The following RGS6 variants were observed in gnomAD, a reference collection of about 807,000 sequenced individuals.
The protein encoded by RGS6 is regulator of G protein signaling 6.
RGS6 carries 30 observed loss-of-function variants against 78.5 expected under a neutral mutation model. That is an observed-to-expected ratio of 0.38 (90% CI 0.29 to 0.52). RGS6 has a LOEUF of 0.52. Among genes scored for constraint, RGS6 ranks in the 20% least tolerant of loss-of-function variants. The pLI is 0.85. For missense variants in RGS6, 495 were observed against 609.7 expected (o/e 0.81, Z 1.98); for synonymous variants, 206 against 206.0 (o/e 1.00, Z 0.00).
At chr14:72,585,801 G>C in the RGS6 span, among the ~76,000 whole-genome samples, 1 of 152,190 alleles carries the variant, frequency 6.6e-6, no homozygotes, top group Non-Finnish European at 1.5e-5. Context: ...AGGGATGAGT[G>C]CTGAGGGGCT....
rs140902948 is a variant in RGS6 at position 72,233,920 on chromosome 14, A to G, written c.85-118175A>G. Reference sequence around the variant, plus strand: ...TGATGGGGTGAAGGACCGAATAGTTAGAGTTCGTACTGAGTGTCTGTGGTG... The same window carrying G: ...TGATGGGGTGAAGGACCGAATAGTTGGAGTTCGTACTGAGTGTCTGTGGTG... On this transcript the variant is annotated intron_variant, in intron 2 of 17. Coordinates refer to ENST00000553525, the MANE Select transcript of RGS6 (RefSeq NM_001204424.2). 4.7e-4 allele frequency among the ~76,000 whole-genome samples: 72 copies of G among 152,248 alleles called. 1 individual carries two copies. In the East Asian group the frequency reaches 0.013, roughly 27 times the overall value.
chr14:72,361,050 C>G (rs1365446715), intron 3 of RGS6, among the ~76,000 whole-genome samples: 1 of 149,920 alleles, frequency 6.7e-6, no homozygotes, highest in Admixed American at 6.6e-5. Flanking sequence ...TGAGGTCTCC[C>G]TAGCCATACG....
chr14:71,964,461 G>A (rs565714924), intron 1 of RGS6, among the ~76,000 whole-genome samples: 7 of 152,224 alleles, frequency 4.6e-5, no homozygotes, highest in Non-Finnish European at 7.4e-5. Context: ...AGCTGAGATC[G>A]CGTCATTGCA....
intron 2 of RGS6, among the ~76,000 whole-genome samples, chr14:72,126,953 G>T (rs2096209611): frequency 6.6e-6 from 1 of 152,162 alleles, no homozygotes; most frequent in Non-Finnish European, 1.5e-5. Context: ...TGATCCCATG[G>T]TGGGGAACTG....
intron 1 of RGS6, among the ~76,000 whole-genome samples, chr14:71,961,758 C>A (rs927282739): frequency 1.3e-5 from 2 of 152,104 alleles, no homozygotes; most frequent in Admixed American, 1.3e-4. Flanking sequence ...GAAAAATGTT[C>A]ACATTCTTCA....
intron 3 of RGS6, among the ~76,000 whole-genome samples, chr14:72,377,981 C>G (rs1319947797): frequency 6.6e-6 from 1 of 152,016 alleles, no homozygotes; most frequent in African/African-American, 2.4e-5. Context: ...GAGACTCTAT[C>G]TCCAAAAAAA....
chr14:72,201,318 T>G (rs2041527183), intron 2 of RGS6, among the ~76,000 whole-genome samples: 1 of 152,232 alleles, frequency 6.6e-6, no homozygotes, highest in Admixed American at 6.5e-5. Context: ...ATTGGGCACC[T>G]ACTATATGTC....
chr14:72,100,554 A>G (rs777661950), intron 2 of RGS6, among the ~76,000 whole-genome samples: 7 of 152,190 alleles, frequency 4.6e-5, no homozygotes, highest in Admixed American at 3.3e-4. Flanking sequence ...CATCGTGCGG[A>G]CAGGGGAGTG....
At chr14:72,330,672 C>A (rs988400767) in intron 2 of RGS6, among the ~76,000 whole-genome samples, 1 of 152,126 alleles carries the variant, frequency 6.6e-6, no homozygotes, top group Non-Finnish European at 1.5e-5. Flanking sequence ...ATTTCAGATC[C>A]ACAGGGCCCA....
At chr14:72,426,877 A>G (rs533873275) in intron 3 of RGS6, among the ~76,000 whole-genome samples, 1 of 152,228 alleles carries the variant, frequency 6.6e-6, no homozygotes, top group Non-Finnish European at 1.5e-5. Context: ...AAAAGGTGGA[A>G]CAGAAGCAAC....
chr14:71,879,155 G>GA, the RGS6 span, among the ~76,000 whole-genome samples: 4 of 151,990 alleles, frequency 2.6e-5, no homozygotes, highest in Admixed American at 2.0e-4. Context: ...ACCTCACCAG[G>GA]AAAAAAACTC....
intron 3 of RGS6, among the ~76,000 whole-genome samples, chr14:72,401,974 G>T (rs1198987242): frequency 6.6e-6 from 1 of 152,232 alleles, no homozygotes; most frequent in Non-Finnish European, 1.5e-5. Context: ...TACAGGGAAA[G>T]TGACAAAAGA....
At chr14:72,000,129 A>G (rs2083159017) in intron 2 of RGS6, among the ~76,000 whole-genome samples, 1 of 152,224 alleles carries the variant, frequency 6.6e-6, no homozygotes. Flanking sequence ...TGTGATACAC[A>G]CATTACCTCA....
intron 2 of RGS6, among the ~76,000 whole-genome samples, chr14:72,037,477 C>G (rs1156832617): frequency 6.6e-6 from 1 of 152,176 alleles, no homozygotes; most frequent in East Asian, 1.9e-4. Flanking sequence ...GACACACCAT[C>G]TTTAAGAGCT....
At chr14:72,195,528 A>G (rs1457003970) in intron 2 of RGS6, among the ~76,000 whole-genome samples, 1 of 152,212 alleles carries the variant, frequency 6.6e-6, no homozygotes, top group Non-Finnish European at 1.5e-5. Context: ...TAGAGAGAAG[A>G]AAAGAGGAAT....
At chr14:72,431,635 A>C (rs1174581506) in intron 3 of RGS6, among the ~76,000 whole-genome samples, 1 of 151,924 alleles carries the variant, frequency 6.6e-6, no homozygotes, top group Admixed American at 6.6e-5. Context: ...TGCCCACCTC[A>C]GGGACATATA....
At chr14:72,407,490 G>A (rs2093034972) in intron 3 of RGS6, among the ~76,000 whole-genome samples, 1 of 152,210 alleles carries the variant, frequency 6.6e-6, no homozygotes, top group South Asian at 2.1e-4. Context: ...CGGAGGCTGA[G>A]AAACCCCAAG....
intron 2 of RGS6, among the ~76,000 whole-genome samples, chr14:72,016,898 T>C (rs1480661908): frequency 6.6e-6 from 1 of 152,210 alleles, no homozygotes; most frequent in Non-Finnish European, 1.5e-5. Context: ...TGCTCTCTTA[T>C]CCTGGGTCTT....
intron 3 of RGS6, among the ~76,000 whole-genome samples, chr14:72,375,265 ATCGGGT>A: frequency 6.6e-6 from 1 of 152,224 alleles, no homozygotes; most frequent in Non-Finnish European, 1.5e-5. Flanking sequence ...GATTAAAAGC[ATCGGGT>A]TCCAAAAGCC....
Sources: gnomAD v4.1 joint callset for allele counts (sites outside exome capture counted in the v4.1 genomes callset) on GRCh38, gnomAD v4.1.1 for gene constraint, MANE v1.5 for transcripts, NCBI Gene and HGNC (gene_info 2026-07-23, HGNC 2026-07-21) for gene names.